The following CUBN variants were observed in gnomAD, a reference collection of about 807,000 sequenced individuals.
CUBN encodes the protein cubilin.
In CUBN, 282 loss-of-function variants were observed where a neutral mutation model predicts 405.3. That is an observed-to-expected ratio of 0.70 (90% CI 0.63 to 0.77). The LOEUF is 0.77. Among genes scored for constraint, CUBN ranks in the 30% least tolerant of loss-of-function variants. The pLI is 0.00. For synonymous variants in CUBN, 1,684 were observed against 1,617.0 expected (o/e 1.04, Z -0.99); for missense variants, 4,514 against 4,475.2 (o/e 1.01, Z -0.25).
chr10:17,016,786 G>A (rs1486044848), intron 28 of CUBN, among the ~76,000 whole-genome samples: 1 of 152,172 alleles, frequency 6.6e-6, no homozygotes, highest in Non-Finnish European at 1.5e-5. Context: ...GAGCTATAGG[G>A]AGGCTAGGAT....
rs777077398 is a variant in CUBN, at chr10:16,933,119, G to T, written c.6092C>A (p.Thr2031Lys). The T allele has an allele frequency of 1.9e-6, 3 of 1,613,896 alleles. No individual in the cohort carries two copies. The highest frequency in any genetic ancestry group is 2.2e-5 in the East Asian group (1 of 44,886). ...TATCACAAGGCTATCATAGGCACAC[G>T]TTCGGTGAGATTCAATGTCCAGGGA... ...ILSLDIESHR[T>K]CAYDSLVIRD... The change falls in exon 40 of 67, where the codon ACG becomes AAG. Residue 2031 changes from threonine (T) to lysine (K), a missense_variant. Around this residue, in one of 5 missense-constraint regions of CUBN, gnomAD observed 1,613 missense variants for 1,542.8 expected, o/e 1.05. Transcript: ENST00000377833.
chr10:16,835,634 A>ATTTTTTTTTTTTTTCT, intron 63 of CUBN, among the ~76,000 whole-genome samples: 1 of 151,536 alleles, frequency 6.6e-6, no homozygotes, highest in Non-Finnish European at 1.5e-5. Flanking sequence ...TTTGGTAAAA[A>ATTTTTTTTTTTTTTCT]AATACCAAAA....
At chr10:17,109,569 T>C in intron 10 of CUBN, 71 bp downstream of exon 10, 1 of 1,230,290 alleles carries the variant, frequency 8.1e-7, no homozygotes, top group Non-Finnish European at 1.2e-6. Flanking sequence ...GGATTTTGTG[T>C]TTAAGATGTT....
In CUBN at chr10:16,869,636, C is replaced by T. The variant is rs772196844; in HGVS notation, c.9454G>A (p.Gly3152Arg). 17 of 1,609,800 alleles carry T rather than the reference C, an allele frequency of 1.1e-5. No individual in the cohort carries two copies. In the South Asian group the frequency reaches 1.9e-4, roughly 18 times the overall value. ...AGATTTACAAGTCCAGAATTCTTAC[C>T]CAATGTCTGCCGGAAAGACATCTTC... ...GWKMSFRQTL[G>R]PQQGCGGYLT... Residue 3152 changes from glycine to arginine, a missense_variant and splice_region_variant, in exon 59 of 67, where the codon GGG (glycine) becomes AGG (arginine). By Grantham distance (125) the Gly-to-Arg change is moderately radical. This residue lies in a region of CUBN where 1,186 missense variants were observed against 1,186.9 expected (regional missense o/e 1.00). Transcript: ENST00000377833.
At chr10:16,956,595 A>G (rs1159458614) in intron 31 of CUBN, among the ~76,000 whole-genome samples, 2 of 151,970 alleles carry the variant, frequency 1.3e-5, no homozygotes, top group African/African-American at 4.8e-5. Flanking sequence ...TATTATCTCT[A>G]TACTTGGTTT....
chr10:17,073,131 A>G (rs1835777055), intron 17 of CUBN, among the ~76,000 whole-genome samples: 1 of 152,176 alleles, frequency 6.6e-6, no homozygotes, highest in Non-Finnish European at 1.5e-5. Flanking sequence ...AAATCCCAAC[A>G]TAGATTATAG....
At chr10:17,006,638 G>A (rs961095596) in intron 28 of CUBN, among the ~76,000 whole-genome samples, 5 of 152,128 alleles carry the variant, frequency 3.3e-5, no homozygotes, top group East Asian at 1.9e-4. Context: ...ACCTCATGGC[G>A]GTTTTCTGCC....
At chr10:16,891,978 C>T (rs902466285) in intron 54 of CUBN, among the ~76,000 whole-genome samples, 1 of 152,138 alleles carries the variant, frequency 6.6e-6, no homozygotes, top group African/African-American at 2.4e-5. Context: ...CTTGACTATT[C>T]AACATTTTCT....
At chr10:16,977,879 T>C (rs1203586241) in intron 31 of CUBN, among the ~76,000 whole-genome samples, 1 of 152,254 alleles carries the variant, frequency 6.6e-6, no homozygotes, top group Admixed American at 6.5e-5. Flanking sequence ...CACACCCCTG[T>C]TGAATGTCCT....
chr10:16,842,696 A>T (rs915555705), intron 60 of CUBN, among the ~76,000 whole-genome samples: 1 of 152,200 alleles, frequency 6.6e-6, no homozygotes, highest in African/African-American at 2.4e-5. Context: ...GCAAACTCCA[A>T]TGAGGTGATG....
Position 17,068,170 on chromosome 10 carries a change from G to T in CUBN, c.2902C>A (p.His968Asn). The part of the protein sequence containing the change: ...CTWHILVQPN[H>N]LIHLMFETFH... ...GTTTCGAACATTAAATGAATCAGGTGATTAGGTTGGACTAATATATGCCAA... is the reference window on the plus strand; with the variant it reads ...GTTTCGAACATTAAATGAATCAGGTTATTAGGTTGGACTAATATATGCCAA... The change falls in exon 21 of 67, where the codon CAC becomes AAC. Residue 968 changes from histidine to asparagine, a missense_variant. Physicochemically the swap from His to Asn is moderately conservative, Grantham distance 68. Around this residue, in one of 5 missense-constraint regions of CUBN, gnomAD observed 1,448 missense variants for 1,388.0 expected, o/e 1.04. Transcript: ENST00000377833. The T allele has an allele frequency of 6.2e-7, 1 of 1,613,652 alleles. No homozygotes were observed. Among genetic ancestry groups the T allele is most frequent in the Admixed American group, 1.7e-5 (1 of 60,000 alleles).
At chr10:16,938,848 A>G (rs776636226) in intron 38 of CUBN, 115 bp downstream of exon 38, 78 of 896,964 alleles carry the variant, frequency 8.7e-5, no homozygotes, top group Non-Finnish European at 1.3e-4. Flanking sequence ...AACATGATTT[A>G]GAGCAGACTA....
At chr10:17,128,048 T>C (rs189256370) in intron 2 of CUBN, 124 bp from the exon 3 acceptor site, 1 of 660,806 alleles carries the variant, frequency 1.5e-6, no homozygotes, top group African/African-American at 1.8e-5. Flanking sequence ...TGCCTATTAT[T>C]ATAAAAACCA....
intron 59 of CUBN, among the ~76,000 whole-genome samples, chr10:16,858,324 T>G (rs1839920429): frequency 6.6e-6 from 1 of 152,180 alleles, no homozygotes; most frequent in South Asian, 2.1e-4. Flanking sequence ...TATTTTTATT[T>G]ATTTACGTTT....
chr10:16,985,730 G>A (rs781592701), intron 29 of CUBN, among the ~76,000 whole-genome samples: 3 of 152,218 alleles, frequency 2.0e-5, no homozygotes, highest in Non-Finnish European at 4.4e-5. Flanking sequence ...CACCACAGCC[G>A]AACAGATGTG....
chr10:16,974,144 CAAT>C (rs1443316124), intron 31 of CUBN, among the ~76,000 whole-genome samples: 46 of 152,170 alleles, frequency 3.0e-4, no homozygotes, highest in African/African-American at 1.1e-3. Flanking sequence ...AAATACCTAA[CAAT>C]AAATCTGACC....
At chr10:16,910,630 A>T (rs1260422485) in intron 48 of CUBN, among the ~76,000 whole-genome samples, 3 of 152,100 alleles carry the variant, frequency 2.0e-5, no homozygotes, top group Non-Finnish European at 4.4e-5. Flanking sequence ...ATGAATAGCC[A>T]AGGATCAGCA....
At chr10:17,065,211 A>C (rs185197345) in intron 22 of CUBN, among the ~76,000 whole-genome samples, 4 of 148,072 alleles carry the variant, frequency 2.7e-5, no homozygotes, top group Middle Eastern at 3.5e-3. Flanking sequence ...CTTTGGAGAC[A>C]TTATATTTCT....
intron 28 of CUBN, among the ~76,000 whole-genome samples, chr10:17,003,189 T>C (rs1833935220): frequency 6.6e-6 from 1 of 152,214 alleles, no homozygotes; most frequent in Non-Finnish European, 1.5e-5. Flanking sequence ...CAGGATTTCC[T>C]TATCTGACAT....
Sources: allele counts gnomAD v4.1 joint callset (sites outside exome capture counted in the v4.1 genomes callset), GRCh38; gene constraint gnomAD v4.1.1; regional missense constraint gnomAD v4.1.1; transcripts MANE v1.5; gene names NCBI Gene and HGNC (gene_info 2026-07-23, HGNC 2026-07-21).